Variants in MAP2K5 observed in about 807,000 individuals in gnomAD.
MAP2K5 encodes dual specificity mitogen-activated protein kinase kinase 5.
In MAP2K5, 49 loss-of-function variants were observed where a neutral mutation model predicts 83.1. The ratio of observed to expected loss-of-function variants is 0.59; its 90% confidence interval spans 0.47 to 0.75. The LOEUF is 0.75. MAP2K5 is among the 30% of genes least tolerant of loss of function. MAP2K5 has a pLI of 0.00. For missense variants in MAP2K5, 457 were observed against 557.5 expected (o/e 0.82, Z 1.82); for synonymous variants, 202 against 191.8 (o/e 1.05, Z -0.44).
intron 2 of MAP2K5, among the ~76,000 whole-genome samples, chr15:67,553,319 A>G (rs2084550212): frequency 6.6e-6 from 1 of 152,212 alleles, no homozygotes; most frequent in Non-Finnish European, 1.5e-5. Context: ...GTTAAGTGTA[A>G]ATATAGATAA....
intron 2 of MAP2K5, among the ~76,000 whole-genome samples, chr15:67,553,079 A>G (rs1345105232): frequency 1.3e-5 from 2 of 152,168 alleles, no homozygotes; most frequent in Non-Finnish European, 2.9e-5. Flanking sequence ...ACTATCATTC[A>G]TTGATAGCTT....
chr15:67,721,813 C>T (rs1002797770), intron 16 of MAP2K5, among the ~76,000 whole-genome samples: 4 of 152,152 alleles, frequency 2.6e-5, no homozygotes, highest in African/African-American at 9.7e-5. Context: ...ATTTCTTCAT[C>T]ACTTTTAATG....
At chr15:67,692,580 G>A (rs765828242) in intron 14 of MAP2K5, 28 bp downstream of exon 14, 16 of 1,555,846 alleles carry the variant, frequency 1.0e-5, no homozygotes, top group Admixed American at 5.1e-5. Context: ...CCAGTGTACT[G>A]TTTTCTCTGC....
intron 19 of MAP2K5, among the ~76,000 whole-genome samples, chr15:67,762,112 T>C (rs1408841221): frequency 6.6e-6 from 1 of 152,228 alleles, no homozygotes; most frequent in East Asian, 1.9e-4. Flanking sequence ...CTTGTGGATG[T>C]CAGTGGTCAT....
chr15:67,669,983 A>C (rs918970017), intron 13 of MAP2K5, among the ~76,000 whole-genome samples: 7 of 152,124 alleles, frequency 4.6e-5, no homozygotes, highest in African/African-American at 1.7e-4. Context: ...CCACACAAAA[A>C]CTTTAGGCAA....
Position 67,774,033 on chromosome 15 carries a change from C to T in MAP2K5, c.1242+1281C>T, listed in dbSNP as rs181188172. Among the ~76,000 whole-genome samples, 6 of 152,266 alleles carry T rather than the reference C, an allele frequency of 3.9e-5. No homozygotes were observed. The highest frequency in any genetic ancestry group is 3.9e-4 in the Admixed American group (6 of 15,296). On this transcript the variant is annotated intron_variant, in intron 21 of 21. Coordinates refer to ENST00000178640, the MANE Select transcript of MAP2K5 (RefSeq NM_145160.3). The surrounding 1 kb of genome is among the most constrained non-coding windows in gnomAD (Gnocchi z 4.9). ...TGGCCACTTATAAATAAAACATCTG[C>T]AGATCACACATACGCCCATAAATGT...
In MAP2K5 at chr15:67,764,703, T is replaced by A. The variant is rs889550301; in HGVS notation, c.1135-4899T>A. Among the ~76,000 whole-genome samples the A allele has an allele frequency of 6.6e-6, 1 of 152,244 alleles. No individual in the cohort carries two copies. The highest frequency in any genetic ancestry group is 2.4e-5 in the African/African-American group (1 of 41,454). Reference sequence around the variant, plus strand: ...GAATGATTGTATCATTTTTACACAGTATTTTATGTTATGCCTTATCAGTGT... The same window carrying A: ...GAATGATTGTATCATTTTTACACAGAATTTTATGTTATGCCTTATCAGTGT... On this transcript the variant is annotated intron_variant, in intron 19 of 21. Transcript: ENST00000178640. This position sits in a 1 kb window ranked among gnomAD's most constrained non-coding sequence, Gnocchi z 4.9.
intron 6 of MAP2K5, among the ~76,000 whole-genome samples, chr15:67,590,440 TCCCTCC>T (rs1183769083): frequency 1.8e-4 from 9 of 50,778 alleles, no homozygotes; most frequent in African/African-American, 5.2e-4. Flanking sequence ...TCTCTCTCCC[TCCCTCC>T]CTCTCTCTCT....
chr15:67,655,064 C>CAA (rs35723223), intron 11 of MAP2K5, among the ~76,000 whole-genome samples: 106 of 120,670 alleles, frequency 8.8e-4, no homozygotes, highest in Non-Finnish European at 1.1e-3. Flanking sequence ...GACTCCATCT[C>CAA]AAAAAAAAAA....
At chr15:67,656,959 AG>A (rs955518834) in intron 11 of MAP2K5, among the ~76,000 whole-genome samples, 3 of 152,210 alleles carry the variant, frequency 2.0e-5, no homozygotes, top group African/African-American at 7.2e-5. Flanking sequence ...CTTAATCCTG[AG>A]TGGATCTGCT....
intron 17 of MAP2K5, among the ~76,000 whole-genome samples, chr15:67,728,909 A>G (rs1016351971): frequency 4.6e-5 from 7 of 152,204 alleles, no homozygotes; most frequent in Admixed American, 2.0e-4. Context: ...CCTGGTACCA[A>G]TGTGGACATT....
intron 3 of MAP2K5, among the ~76,000 whole-genome samples, chr15:67,571,498 C>T (rs1846045423): frequency 6.6e-6 from 1 of 152,124 alleles, no homozygotes; most frequent in South Asian, 2.1e-4. Flanking sequence ...TCTCAGTCGC[C>T]TTGTTTTATG....
rs1211156239 is a variant in MAP2K5, at chr15:67,778,127, C to T, written c.1242+5375C>T. Among the ~76,000 whole-genome samples the T allele has an allele frequency of 6.6e-6, 1 of 152,196 alleles. No individual in the cohort carries two copies. The highest frequency in any genetic ancestry group is 6.5e-5 in the Admixed American group (1 of 15,272). On this transcript the variant is annotated intron_variant, in intron 21 of 21. Coordinates refer to ENST00000178640, the MANE Select transcript of MAP2K5 (RefSeq NM_145160.3). This position sits in a 1 kb window ranked among gnomAD's most constrained non-coding sequence, Gnocchi z 5.0. ...TGTTTGGGGGCTAATAAACACCAAA[C>T]TGCTCTAGAAAAATCTGTTTAAACA... is the stretch of plus-strand genomic sequence containing the variant.
intron 17 of MAP2K5, among the ~76,000 whole-genome samples, chr15:67,739,902 T>C (rs952286867): frequency 2.6e-5 from 4 of 152,224 alleles, no homozygotes; most frequent in Non-Finnish European, 2.9e-5. Flanking sequence ...TTCAGTGATA[T>C]GTGGAACCAA....
intron 19 of MAP2K5, among the ~76,000 whole-genome samples, chr15:67,759,298 C>T (rs1482799973): frequency 4.6e-5 from 7 of 152,038 alleles, no homozygotes; most frequent in Non-Finnish European, 1.0e-4. Flanking sequence ...GTGGCTCATG[C>T]CTGTAATCCT....
intron 16 of MAP2K5, among the ~76,000 whole-genome samples, chr15:67,714,670 G>T (rs958147804): frequency 6.6e-6 from 1 of 152,014 alleles, no homozygotes; most frequent in African/African-American, 2.4e-5. Context: ...TAAATATTTA[G>T]TTTCAAGAAT....
At chr15:67,704,455 A>G (rs1298710348) in intron 16 of MAP2K5, among the ~76,000 whole-genome samples, 1 of 152,240 alleles carries the variant, frequency 6.6e-6, no homozygotes, top group Non-Finnish European at 1.5e-5. Flanking sequence ...AGTTGCAATC[A>G]TGATTTTGTA....
intron 16 of MAP2K5, among the ~76,000 whole-genome samples, chr15:67,727,711 CA>C (rs1283495860): frequency 1.3e-5 from 2 of 152,170 alleles, no homozygotes; most frequent in Non-Finnish European, 2.9e-5. Flanking sequence ...AATATTTTAT[CA>C]GGGGTGCAAC....
At chr15:67,682,240 T>TA (rs766929572) in intron 13 of MAP2K5, among the ~76,000 whole-genome samples, 2 of 151,566 alleles carry the variant, frequency 1.3e-5, no homozygotes, top group Non-Finnish European at 2.9e-5. Flanking sequence ...TTTTTTAAGA[T>TA]AGAGTCTTGT....
Sources: allele counts gnomAD v4.1 joint callset (sites outside exome capture counted in the v4.1 genomes callset), GRCh38; gene constraint gnomAD v4.1.1; non-coding constraint Gnocchi (gnomAD v3.1); transcripts MANE v1.5; gene names NCBI Gene and HGNC (gene_info 2026-07-23, HGNC 2026-07-21).